The following NF1 variants were observed in gnomAD, a reference collection of about 807,000 sequenced individuals.
NF1 encodes neurofibromin 1.
Under a neutral mutation model 325.7 loss-of-function variants are expected in NF1, and 122 were observed. The observed-to-expected ratio is 0.37, with a 90% CI of 0.32 to 0.44. The LOEUF is 0.44. Ranked by LOEUF, NF1 falls within the 20% of genes least tolerant of loss-of-function variation. The pLI is 1.00. For synonymous variants in NF1, 1,091 were observed against 1,186.0 expected, an observed-to-expected ratio of 0.92 and a Z score of 1.65; for missense variants, 2,140 against 3,415.4, an observed-to-expected ratio of 0.63 and a Z score of 9.31.
At chr17:31,181,389 A>C in intron 5 of NF1, 33 bp from the exon 6 acceptor site, 1 of 1,567,332 alleles carries the variant, frequency 6.4e-7, no homozygotes. Context: ...AACTTATTCT[A>C]GAGTTAATTT....
intron 50 of NF1, among the ~76,000 whole-genome samples, chr17:31,350,594 T>C (rs1271323029): frequency 6.6e-6 from 1 of 152,148 alleles, no homozygotes; most frequent in Non-Finnish European, 1.5e-5. Flanking sequence ...TTGAAAATAT[T>C]AGGTTGCAGG....
chr17:31,180,337 A>T (rs2143768114), intron 5 of NF1, among the ~76,000 whole-genome samples: 1 of 152,336 alleles, frequency 6.6e-6, no homozygotes, highest in South Asian at 2.1e-4. Flanking sequence ...CGATGCAAAA[A>T]TCCTCAATAA....
At chr17:31,296,456 A>C (rs2068467308) in intron 36 of NF1, 1 of 925,936 alleles carries the variant, frequency 1.1e-6, no homozygotes, top group Non-Finnish European at 1.8e-6. Flanking sequence ...GTCCTTTTAT[A>C]ATTGTTCCAG....
chr17:31,210,615 C>T (rs2066713110), intron 12 of NF1, among the ~76,000 whole-genome samples: 2 of 151,902 alleles, frequency 1.3e-5, no homozygotes, highest in Non-Finnish European at 1.5e-5. Context: ...ACAAAAAACC[C>T]TCCTGTTTCT....
At chr17:31,358,816 A>C in intron 55 of NF1, 153 bp from the exon 56 acceptor site, 2 of 1,039,900 alleles carry the variant, frequency 1.9e-6, no homozygotes, top group South Asian at 2.9e-5. Flanking sequence ...AGTATATTTT[A>C]AGTAGGTTTT....
intron 57 of NF1, 63 bp downstream of exon 57, chr17:31,360,766 C>A: frequency 7.1e-7 from 1 of 1,417,888 alleles, no homozygotes; most frequent in Non-Finnish European, 1.0e-6. Context: ...ATTAGGAATT[C>A]CCTTGTGATC....
intron 36 of NF1, among the ~76,000 whole-genome samples, chr17:31,315,871 C>T (rs751668727): frequency 5.9e-5 from 9 of 152,126 alleles, no homozygotes; most frequent in Non-Finnish European, 1.2e-4. Context: ...TTATGGGCTC[C>T]TACTATAAAG....
In NF1 at chr17:31,360,644, C is replaced by T. The variant is rs1597870290; in HGVS notation, c.8318C>T (p.Thr2773Ile). 6.2e-7 allele frequency: 1 copy of T among 1,614,138 alleles called. No individual in the cohort carries two copies. The highest frequency in any genetic ancestry group is 8.5e-7 in the Non-Finnish European group (1 of 1,180,028). Residue 2773 changes from threonine (T) to isoleucine (I), a missense_variant, in exon 57 of 58, where the codon ACT becomes ATT. Thr to Ile is a moderately conservative substitution (Grantham distance 89). This residue lies in a region of NF1 where 522 missense variants were observed against 749.0 expected (regional missense o/e 0.70). Transcript: ENST00000358273. ...PPALQSQLSI[T>I]ANLNLSNSMT... is the part of the protein sequence containing the mutation. ...GCACTGCAGAGCCAGCTTAGTATCA[C>T]TGCCAACCTTAACCTTTCTAATTCC...
intron 1 of NF1, chr17:31,133,568 A>T (rs1440640248): frequency 6.6e-6 from 1 of 152,196 alleles, no homozygotes; most frequent in South Asian, 2.1e-4. Flanking sequence ...ACTGTTTTCC[A>T]TAGGTATATG....
At chr17:31,190,430 T>C (rs2066323182) in intron 8 of NF1, among the ~76,000 whole-genome samples, 3 of 152,222 alleles carry the variant, frequency 2.0e-5, no homozygotes, top group African/African-American at 7.2e-5. Context: ...TATTTTAAAA[T>C]GAAATTATTT....
intron 8 of NF1, among the ~76,000 whole-genome samples, chr17:31,190,611 C>T (rs1269449002): frequency 1.3e-5 from 2 of 152,298 alleles, no homozygotes; most frequent in East Asian, 3.9e-4. Flanking sequence ...CAGATGTTTT[C>T]AGTTTTTTGA....
intron 5 of NF1, among the ~76,000 whole-genome samples, chr17:31,177,120 A>T (rs1164343811): frequency 1.3e-5 from 2 of 152,154 alleles, no homozygotes; most frequent in Admixed American, 6.5e-5. Context: ...CACGATATTG[A>T]TTCTTCCTAT....
intron 1 of NF1, chr17:31,138,596 G>GTTTTT: frequency 7.8e-6 from 1 of 128,704 alleles, no homozygotes; most frequent in Non-Finnish European, 1.7e-5. Flanking sequence ...GCATTCTTTA[G>GTTTTT]TTTTTTTTTT....
At position 31,376,781 on chromosome 17, in the gene NF1, G is replaced by A; in HGVS notation, c.*2626G>A. 4.3e-6 allele frequency: 1 copy of A among 233,226 alleles called. No individual in the cohort carries two copies. Among genetic ancestry groups the A allele is most frequent in the South Asian group, 1.8e-4 (1 of 5,526 alleles). 14.4% of individuals were successfully genotyped at this position (233,226 alleles called of 1,614,324 possible). On this transcript the variant is annotated 3_prime_UTR_variant, in exon 58 of 58. Transcript: ENST00000358273. ...AAGAGGAAACCAGGAACTCAGTCAT[G>A]TTTTTGTCCTGGATAATCTACCTGT...
intron 36 of NF1, chr17:31,318,290 G>C (rs1033240426): frequency 1.3e-6 from 2 of 1,588,772 alleles, no homozygotes; most frequent in African/African-American, 2.7e-5. Flanking sequence ...TTGCTACTTT[G>C]CATTTTTCTT....
rs1307062107 is a variant in NF1, at chr17:31,186,049, A to G, written c.888+3384A>G. Among the ~76,000 whole-genome samples, 3 of 152,132 alleles carry G rather than the reference A, an allele frequency of 2.0e-5. 1 individual carries two copies. The highest frequency in any genetic ancestry group is 2.0e-4 in the Admixed American group (3 of 15,274). ...ACCTTGTGACCTGAACTGCCTATCT[A>G]TGAACTGGGTGTGTTCTGACCCATC... On this transcript the variant is annotated intron_variant, in intron 8 of 57. Transcript: ENST00000358273.
chr17:31,182,157 A>G (rs552666427), intron 7 of NF1, among the ~76,000 whole-genome samples: 1 of 152,324 alleles, frequency 6.6e-6, no homozygotes, highest in East Asian at 1.9e-4. Context: ...CAAGGCAGAG[A>G]ATACAGACTC....
chr17:31,095,366 G>A lies in NF1; in HGVS notation c.57G>A (p.Glu19=). 2 of 1,539,786 alleles carry A rather than the reference G, an allele frequency of 1.3e-6. No individual in the cohort carries two copies. Among genetic ancestry groups the A allele is most frequent in the South Asian group, 2.4e-5 (2 of 83,942 alleles). The stretch of plus-strand genomic sequence containing the variant: ...AGGCCGTGGTCAGCCGCTTCGACGA[G>A]CAGGTAACCGGCCCGTGGCGGGCGG... ...WVQAVVSRFD[E]QLPIKTGQQN... Residue 19 remains glutamate (E), a synonymous_variant, in exon 1 of 58, where the codon GAG becomes GAA. Coordinates refer to ENST00000358273, the MANE Select transcript of NF1 (RefSeq NM_001042492.3).
rs1205571198 is a variant in NF1 at position 31,350,413 on chromosome 17, CAT to C, written c.7457+96_7457+97del. 7.9e-5 allele frequency: 85 copies of C among 1,080,496 alleles called. No homozygotes were observed. In the East Asian group the frequency reaches 2.0e-3, roughly 25 times the overall value. 66.9% of individuals were successfully genotyped at this position (1,080,496 alleles called of 1,614,324 possible). A position where few individuals can be genotyped will look rare whatever the true frequency, so the allele number is the denominator to read the frequency against. On this transcript the variant is annotated intron_variant, in intron 50 of 57. Coordinates refer to ENST00000358273, the MANE Select transcript of NF1 (RefSeq NM_001042492.3). Reference sequence around the variant, plus strand: ...AGCAGCAGAGTAATCTAGAAGGTAACATGGGAGAAATCTAGAGATGGCCTAGG... The same window carrying C: ...AGCAGCAGAGTAATCTAGAAGGTAACGGGAGAAATCTAGAGATGGCCTAGG...
Sources: gnomAD v4.1 joint callset for allele counts (sites outside exome capture counted in the v4.1 genomes callset) on GRCh38, gnomAD v4.1.1 for gene constraint, gnomAD v4.1.1 regional missense constraint, MANE v1.5 for transcripts, NCBI Gene and HGNC (gene_info 2026-07-23, HGNC 2026-07-21) for gene names.